PHLDB2: variants seen among roughly 807,000 people sequenced by gnomAD.
PHLDB2 encodes the protein pleckstrin homology like domain family B member 2, also known as pleckstrin homology-like domain family B member 2.
Under a neutral mutation model 123.6 loss-of-function variants are expected in PHLDB2, and 71 were observed. That is an observed-to-expected ratio of 0.57 (90% CI 0.47 to 0.70). The LOEUF (loss-of-function observed/expected upper bound fraction) is 0.70, where lower values mean the gene tolerates loss of function less well. PHLDB2 is among the 30% of genes least tolerant of loss of function. The probability of loss-of-function intolerance (pLI) is 0.00; values close to 1 mark genes in which losing one functional copy is unlikely to be tolerated. For missense variants in PHLDB2, 1,446 were observed against 1,519.5 expected (o/e 0.95, Z 0.80); for synonymous variants, 547 against 541.6 (o/e 1.01, Z -0.14).
At chr3:111,895,760 A>C (rs1004826780) in intron 2 of PHLDB2, among the ~76,000 whole-genome samples, 2 of 152,192 alleles carry the variant, frequency 1.3e-5, no homozygotes, top group Non-Finnish European at 2.9e-5. Flanking sequence ...GAAGCAGGAA[A>C]ATCACTTGAA....
chr3:111,780,399 A>AGAAGAAGAAGAAGAAGAAGAAG (rs1553726797), intron 1 of PHLDB2, among the ~76,000 whole-genome samples: 2,281 of 74,426 alleles, frequency 0.031, 856 homozygotes, highest in East Asian at 0.06. Flanking sequence ...AAGAAGAAGA[A>AGAAGAAGAAGAAGAAGAAGAAG]GAAGAAGAAG....
chr3:111,752,940 T>C (rs1405107109), intron 1 of PHLDB2, among the ~76,000 whole-genome samples: 1 of 152,148 alleles, frequency 6.6e-6, no homozygotes, highest in Non-Finnish European at 1.5e-5. Context: ...AGAATCATGA[T>C]TTCCAATTTC....
At chr3:111,837,293 A>T (rs564402421) in intron 1 of PHLDB2, among the ~76,000 whole-genome samples, 1 of 152,326 alleles carries the variant, frequency 6.6e-6, no homozygotes, top group Non-Finnish European at 1.5e-5. Context: ...GGAAGTTCTT[A>T]CGCAACCTTG....
At chr3:111,912,511 T>A (rs2067947613) in intron 2 of PHLDB2, among the ~76,000 whole-genome samples, 1 of 152,158 alleles carries the variant, frequency 6.6e-6, no homozygotes. Flanking sequence ...CTTTTATAAT[T>A]TTAATTATAT....
At chr3:111,848,838 A>G (rs969904638) in intron 2 of PHLDB2, among the ~76,000 whole-genome samples, 2 of 152,224 alleles carry the variant, frequency 1.3e-5, no homozygotes, top group African/African-American at 4.8e-5. Context: ...ACAGTTGCCT[A>G]CAGTATTCAG....
intron 1 of PHLDB2, among the ~76,000 whole-genome samples, chr3:111,823,744 T>A (rs2062517432): frequency 6.6e-6 from 1 of 152,212 alleles, no homozygotes; most frequent in South Asian, 2.1e-4. Flanking sequence ...CATTATATAA[T>A]GAAGAAATGT....
At chr3:111,874,604 C>T (rs182729274) in intron 1 of PHLDB2, among the ~76,000 whole-genome samples, 82 of 152,298 alleles carry the variant, frequency 5.4e-4, no homozygotes, top group African/African-American at 1.8e-3. Flanking sequence ...GAAATGGTGA[C>T]TGCTGCACTG....
rs2072459785 is a variant in PHLDB2, at chr3:111,975,552, C to A, written c.*989C>A. The A allele has an allele frequency of 6.6e-6, 1 of 152,172 alleles. No individual in the cohort carries two copies. Among genetic ancestry groups the A allele is most frequent in the African/African-American group, 2.4e-5 (1 of 41,438 alleles). 9.4% of individuals were successfully genotyped at this position (152,172 alleles called of 1,614,324 possible). A position where few individuals can be genotyped will look rare whatever the true frequency, so the allele number is the denominator to read the frequency against. On this transcript the variant is annotated 3_prime_UTR_variant, in exon 18 of 18. Transcript: ENST00000431670. ...AGCTCTGTTTTCACCAAAGAACAGA[C>A]CAATTAACATACTTATTTGCAGAAG...
At chr3:111,883,769 T>A (rs1404898730) in intron 1 of PHLDB2, among the ~76,000 whole-genome samples, 1 of 152,240 alleles carries the variant, frequency 6.6e-6, no homozygotes, top group East Asian at 1.9e-4. Flanking sequence ...ACAAATTGTC[T>A]TTTTTAATGT....
In PHLDB2 at chr3:111,805,672, A is replaced by G. The variant is rs1444621988; in HGVS notation, c.-48-40149A>G. ...AAAAGTATACATACTGTCTGATTCC[A>G]TTTTTATGGAATGCTAGTAAAGACA... On this transcript the variant is annotated intron_variant, in intron 1 of 17. Coordinates refer to the PHLDB2 transcript ENST00000393923. Among the ~76,000 whole-genome samples the G allele has an allele frequency of 7.3e-5, 11 of 149,922 alleles. 3 individuals are homozygous for G. The highest frequency in any genetic ancestry group is 6.5e-4 in the East Asian group (3 of 4,610).
chr3:111,813,489 C>T (rs913280434), intron 1 of PHLDB2, among the ~76,000 whole-genome samples: 6 of 151,996 alleles, frequency 3.9e-5, no homozygotes, highest in Non-Finnish European at 8.8e-5. Context: ...AGCCTTTGGG[C>T]TTTTATGACA....
intron 1 of PHLDB2, among the ~76,000 whole-genome samples, chr3:111,875,833 A>G (rs1489668433): frequency 1.3e-5 from 2 of 152,120 alleles, no homozygotes; most frequent in Admixed American, 6.5e-5. Flanking sequence ...AAAAAAAAAA[A>G]AAAGAAAGAA....
At chr3:111,828,449 G>C (rs1435211830) in intron 1 of PHLDB2, among the ~76,000 whole-genome samples, 1 of 152,112 alleles carries the variant, frequency 6.6e-6, no homozygotes, top group Non-Finnish European at 1.5e-5. Context: ...CATATTGAAT[G>C]ACATACTTAA....
At chr3:111,745,096 AT>A (rs1238759541) in intron 1 of PHLDB2, among the ~76,000 whole-genome samples, 1 of 152,220 alleles carries the variant, frequency 6.6e-6, no homozygotes, top group Non-Finnish European at 1.5e-5. Context: ...CAGAAAACAA[AT>A]GGGACAGAGG....
At chr3:111,788,752 A>AT (rs912704118) in intron 1 of PHLDB2, among the ~76,000 whole-genome samples, 5 of 151,972 alleles carry the variant, frequency 3.3e-5, no homozygotes, top group South Asian at 2.1e-4. Flanking sequence ...TTGTTTTGCA[A>AT]TTTTTTTTCA....
chr3:111,870,509 G>T (rs1258020864), intron 1 of PHLDB2, among the ~76,000 whole-genome samples: 1 of 152,082 alleles, frequency 6.6e-6, no homozygotes, highest in Non-Finnish European at 1.5e-5. Flanking sequence ...GGTTGTTTCT[G>T]GAGCTTCTAA....
chr3:111,826,729 AG>A (rs2062670603), intron 1 of PHLDB2, among the ~76,000 whole-genome samples: 1 of 152,180 alleles, frequency 6.6e-6, no homozygotes, highest in Non-Finnish European at 1.5e-5. Flanking sequence ...CAATTCTGCC[AG>A]GGGAGGTGTA....
intron 5 of PHLDB2, among the ~76,000 whole-genome samples, chr3:111,927,722 T>A (rs570822286): frequency 6.6e-6 from 1 of 152,242 alleles, no homozygotes; most frequent in African/African-American, 2.4e-5. Flanking sequence ...TCAGTGTAGC[T>A]GAATGTCTTC....
chr3:111,825,585 TTA>T (rs1237344351), intron 1 of PHLDB2, among the ~76,000 whole-genome samples: 1 of 152,198 alleles, frequency 6.6e-6, no homozygotes, highest in African/African-American at 2.4e-5. Flanking sequence ...GTAGCTGGGA[TTA>T]CAGGCGTGCA....
Sources: gnomAD v4.1 joint callset for allele counts (sites outside exome capture counted in the v4.1 genomes callset) on GRCh38, gnomAD v4.1.1 for gene constraint, MANE v1.5 for transcripts, NCBI Gene and HGNC (gene_info 2026-07-23, HGNC 2026-07-21) for gene names.